Variants in ST6GAL1 observed in about 807,000 individuals in gnomAD.
ST6GAL1 encodes the protein ST6 beta-galactoside alpha-2,6-sialyltransferase 1.
ST6GAL1 carries 20 observed loss-of-function variants against 38.0 expected under a neutral mutation model. The ratio of observed to expected loss-of-function variants is 0.53; its 90% confidence interval spans 0.37 to 0.77. The LOEUF is 0.77. Among genes scored for constraint, ST6GAL1 ranks in the 30% least tolerant of loss-of-function variants. ST6GAL1 has a pLI of 0.00. For missense variants in ST6GAL1, 432 were observed against 496.4 expected (o/e 0.87, Z 1.23); for synonymous variants, 196 against 188.2 (o/e 1.04, Z -0.34).
chr3:187,018,033 C>G (rs969921591), intron 2 of ST6GAL1, among the ~76,000 whole-genome samples: 9 of 152,118 alleles, frequency 5.9e-5, no homozygotes, highest in African/African-American at 2.2e-4. Context: ...CAGCCTGATT[C>G]CTTGCCCATC....
At chr3:187,066,232 T>C (rs549889572) in intron 5 of ST6GAL1, among the ~76,000 whole-genome samples, 1 of 152,238 alleles carries the variant, frequency 6.6e-6, no homozygotes, top group South Asian at 2.1e-4. Flanking sequence ...GTTCTGGGGC[T>C]TCTTGATTTG....
intron 2 of ST6GAL1, among the ~76,000 whole-genome samples, chr3:186,990,691 A>G (rs1173065924): frequency 1.3e-5 from 2 of 149,566 alleles, no homozygotes; most frequent in East Asian, 3.9e-4. Context: ...AAATTTCAAT[A>G]AAGAAAATAA....
chr3:186,990,762 G>A (rs1004405347), intron 2 of ST6GAL1, among the ~76,000 whole-genome samples: 35 of 150,400 alleles, frequency 2.3e-4, no homozygotes, highest in Admixed American at 4.0e-4. Flanking sequence ...GCAGTGAGCC[G>A]AGATCGTACC....
chr3:186,993,694 A>G (rs1716262851), intron 2 of ST6GAL1, among the ~76,000 whole-genome samples: 1 of 152,038 alleles, frequency 6.6e-6, no homozygotes. Flanking sequence ...TAGAAAAGAA[A>G]AGGGTGGGCC....
intron 4 of ST6GAL1, among the ~76,000 whole-genome samples, chr3:187,047,063 A>C (rs1016886399): frequency 2.6e-5 from 4 of 152,102 alleles, no homozygotes; most frequent in African/African-American, 9.7e-5. Flanking sequence ...CTCCTGCCTC[A>C]GCCTCCCGAG....
rs192541681 is a variant in ST6GAL1 at position 186,990,865 on chromosome 3, C to G, written c.-183+26939C>G. Among the ~76,000 whole-genome samples the G allele has an allele frequency of 1.9e-3, 282 of 152,000 alleles. 3 individuals are homozygous for G. The highest frequency in any genetic ancestry group is 6.5e-3 in the African/African-American group (268 of 41,450). On this transcript the variant is annotated intron_variant, in intron 2 of 7. Coordinates refer to ENST00000169298, the MANE Select transcript of ST6GAL1 (RefSeq NM_173216.2). ...ACCAGCTTCTGGCATTACCCAGGAG[C>G]AGCTGACCTAGATGCTTGTTCCAGT...
At position 186,937,677 on chromosome 3, in the gene ST6GAL1, T is replaced by C. The variant is rs570258811; in HGVS notation, c.-325+6843T>C. Reference sequence around the variant, plus strand: ...ATGCCGTGCGACCTTGAGGAGGGAGTCACCAATGACTGGAGCAGTGGGAAT... The same window carrying C: ...ATGCCGTGCGACCTTGAGGAGGGAGCCACCAATGACTGGAGCAGTGGGAAT... On this transcript the variant is annotated intron_variant, in intron 1 of 7. Transcript: ENST00000169298. 7.3e-5 allele frequency among the ~76,000 whole-genome samples: 11 copies of C among 151,724 alleles called. No individual in the cohort carries two copies. The South Asian group carries it at 2.3e-3, about 32-fold the overall frequency.
In ST6GAL1 at chr3:187,005,274, T is replaced by TC. The variant is rs1195701873; in HGVS notation, c.-182-33468_-182-33467insC. On this transcript the variant is annotated intron_variant, in intron 2 of 7. Coordinates refer to ENST00000169298, the MANE Select transcript of ST6GAL1 (RefSeq NM_173216.2). Reference sequence around the variant, plus strand: ...CCATGTTTCTTTTTCTTTTTCTTTTTTTTTTTTTTTTTTTTTTTGAGACGG... The same window carrying TC: ...CCATGTTTCTTTTTCTTTTTCTTTTTCTTTTTTTTTTTTTTTTTTGAGACGG... Among the ~76,000 whole-genome samples the TC allele has an allele frequency of 2.0e-4, 12 of 60,872 alleles. No homozygotes were observed. In the South Asian group the frequency reaches 5.8e-3, roughly 30 times the overall value. The allele number at this position is 60,872 out of a possible 152,430, so 39.9% of individuals were successfully genotyped here. A position where few individuals can be genotyped will look rare whatever the true frequency, so the allele number is the denominator to read the frequency against.
Position 186,984,774 on chromosome 3 carries a change from CCTTCCCTT to C in ST6GAL1, c.-183+20850_-183+20857del, listed in dbSNP as rs1164124601. Among the ~76,000 whole-genome samples, 19 of 29,970 alleles carry C rather than the reference CCTTCCCTT, an allele frequency of 6.3e-4. 2 individuals carry two copies. The highest frequency in any genetic ancestry group is 2.1e-3 in the African/African-American group (18 of 8,418). The allele number at this position is 29,970 out of a possible 152,430, so 19.7% of individuals were successfully genotyped here. On this transcript the variant is annotated intron_variant, in intron 2 of 7. Coordinates refer to ENST00000169298, the MANE Select transcript of ST6GAL1 (RefSeq NM_173216.2). ...TCCCTCCCTCCCTCCCTCCTTCCTT[CCTTCCCTT>C]CCTCCCTTCCTTCCTTCCTTCCATC...
At chr3:187,003,213 A>G (rs1716678899) in intron 2 of ST6GAL1, among the ~76,000 whole-genome samples, 1 of 152,230 alleles carries the variant, frequency 6.6e-6, no homozygotes, top group Admixed American at 6.5e-5. Context: ...ACAATGCCCC[A>G]GCTCAAGGCA....
In ST6GAL1 at chr3:187,078,328, T is replaced by C. The variant is rs1329164668; in HGVS notation, c.*2525T>C. ...GATGTTTCATATTTGTGACAGTTAA[T>C]TTAAAAATTATGAGTTAATGCTGCC... is the stretch of plus-strand genomic sequence containing the variant. On this transcript the variant is annotated 3_prime_UTR_variant, in exon 8 of 8. Transcript: ENST00000169298. 6.6e-6 allele frequency: 1 copy of C among 152,316 alleles called. No homozygotes were observed. Among genetic ancestry groups the C allele is most frequent in the Non-Finnish European group, 1.5e-5 (1 of 68,038 alleles). The allele number at this position is 152,316 out of a possible 1,614,324, so 9.4% of individuals were successfully genotyped here.
intron 5 of ST6GAL1, among the ~76,000 whole-genome samples, chr3:187,065,674 G>A (rs1377658085): frequency 6.6e-6 from 1 of 152,186 alleles, no homozygotes; most frequent in Non-Finnish European, 1.5e-5. Flanking sequence ...GGAAGCTTTT[G>A]TGCTAGCTGG....
chr3:187,055,252 AC>A (rs1342863222), intron 5 of ST6GAL1, among the ~76,000 whole-genome samples: 1 of 145,856 alleles, frequency 6.9e-6, no homozygotes, highest in Non-Finnish European at 1.5e-5. Context: ...AAAAAAAAAA[AC>A]AGCTCCTGGA....
chr3:187,066,827 G>C (rs116359756), intron 5 of ST6GAL1, among the ~76,000 whole-genome samples: 3,956 of 152,066 alleles, frequency 0.026, 163 homozygotes, highest in African/African-American at 0.087. Context: ...CCCCTAAGAG[G>C]ATCTCCAAAC....
At chr3:187,050,633 G>A (rs948637620) in intron 4 of ST6GAL1, among the ~76,000 whole-genome samples, 2 of 151,698 alleles carry the variant, frequency 1.3e-5, no homozygotes, top group Non-Finnish European at 2.9e-5. Flanking sequence ...AGAGAGAGAG[G>A]AAGGAAGTTA....
chr3:187,043,192 T>G lies in ST6GAL1; in HGVS notation c.489T>G (p.Ser163=), dbSNP rs370350557. The part of the protein sequence containing the change: ...VEVTDFPFNT[S]EWEGYLPKES... ...TCACAGATTTTCCCTTCAATACCTC[T>G]GAATGGGAGGGTTATCTGCCCAAGG... is the stretch of plus-strand genomic sequence containing the variant. Residue 163 remains serine, a synonymous_variant, in exon 4 of 8, where the codon TCT becomes TCG. Transcript: ENST00000169298. 6.2e-7 allele frequency: 1 copy of G among 1,614,220 alleles called. No homozygotes were observed.
At chr3:187,027,793 G>C (rs773280976) in intron 2 of ST6GAL1, among the ~76,000 whole-genome samples, 8 of 152,124 alleles carry the variant, frequency 5.3e-5, no homozygotes, top group Admixed American at 2.6e-4. Flanking sequence ...TATAGGTAGA[G>C]AAAGGGCAGG....
intron 4 of ST6GAL1, among the ~76,000 whole-genome samples, chr3:187,048,900 T>C (rs1036142241): frequency 1.2e-5 from 1 of 86,492 alleles, no homozygotes; most frequent in Non-Finnish European, 2.5e-5. Context: ...TTTTTTTTTT[T>C]TTTTTTTTGA....
chr3:187,066,605 T>TGTGC (rs1278312134), intron 5 of ST6GAL1, among the ~76,000 whole-genome samples: 6 of 99,918 alleles, frequency 6.0e-5, no homozygotes, highest in African/African-American at 1.3e-4. Flanking sequence ...TGCGTGCGTG[T>TGTGC]GTGTGTGTGT....
Sources: gnomAD v4.1 joint callset for allele counts (sites outside exome capture counted in the v4.1 genomes callset) on GRCh38, gnomAD v4.1.1 for gene constraint, MANE v1.5 for transcripts, NCBI Gene and HGNC (gene_info 2026-07-23, HGNC 2026-07-21) for gene names.